The following RBFOX1 variants were observed in gnomAD, a reference collection of about 807,000 sequenced individuals.
RBFOX1 encodes the protein RNA binding fox-1 homolog 1.
A neutral mutation model predicts 57.7 loss-of-function variants in RBFOX1; 8 were observed. The ratio of observed to expected loss-of-function variants is 0.14; its 90% CI spans 0.08 to 0.25. RBFOX1 has a LOEUF of 0.25. Ranked by LOEUF, RBFOX1 falls within the 10% of genes least tolerant of loss-of-function variation. The probability of loss-of-function intolerance (pLI) is 1.00; values close to 1 mark genes in which losing one functional copy is unlikely to be tolerated. For synonymous variants in RBFOX1, 326 were observed against 222.4 expected, an observed-to-expected ratio of 1.47 and a Z score of -4.15; for missense variants, 611 against 548.5, an observed-to-expected ratio of 1.11 and a Z score of -1.14.
chr16:5,624,256 G>A (rs2048282204), intron 3 of RBFOX1, among the ~76,000 whole-genome samples: 1 of 152,202 alleles, frequency 6.6e-6, no homozygotes, highest in South Asian at 2.1e-4. Flanking sequence ...GTGCAGTGGT[G>A]TGATCTAGGC....
chr16:7,644,030 G>C (rs1043188565), intron 11 of RBFOX1, among the ~76,000 whole-genome samples: 11 of 152,326 alleles, frequency 7.2e-5, no homozygotes, highest in Middle Eastern at 3.4e-3. Flanking sequence ...GTAGCAGCTT[G>C]TACAGGCAAT....
chr16:5,499,518 A>G (rs1399029645), intron 2 of RBFOX1, among the ~76,000 whole-genome samples: 1 of 151,064 alleles, frequency 6.6e-6, no homozygotes, highest in African/African-American at 2.4e-5. Flanking sequence ...CCAAATCCAC[A>G]CCATTATAAT....
chr16:6,104,871 A>G (rs2096359702), intron 1 of RBFOX1, among the ~76,000 whole-genome samples: 1 of 152,216 alleles, frequency 6.6e-6, no homozygotes, highest in Admixed American at 6.5e-5. Context: ...CTGTTTATGA[A>G]ATGTCCAGAA....
chr16:5,655,603 G>T (rs984097144), intron 3 of RBFOX1, among the ~76,000 whole-genome samples: 3 of 152,198 alleles, frequency 2.0e-5, no homozygotes, highest in Admixed American at 6.5e-5. Flanking sequence ...GAGCTGTAAT[G>T]GTTGTCCTTG....
At chr16:5,500,589 A>G (rs1355742400) in intron 2 of RBFOX1, among the ~76,000 whole-genome samples, 2 of 152,164 alleles carry the variant, frequency 1.3e-5, no homozygotes, top group African/African-American at 2.4e-5. Context: ...TGTCTCTGCC[A>G]TCAGCTATGT....
rs142315303 is a variant in RBFOX1, at chr16:5,582,947, G to A, written c.259-15955G>A. On this transcript the variant is annotated intron_variant, in intron 2 of 2. Coordinates refer to the RBFOX1 transcript ENST00000585867. ...AAATCAGTGATAATGTTGAGCACTC[G>A]GGAGCCAGGCTCTATTGTGAGACCT... Among the ~76,000 whole-genome samples the A allele has an allele frequency of 4.9e-3, 749 of 152,262 alleles. 4 individuals are homozygous for A. Among genetic ancestry groups the A allele is most frequent in the Admixed American group, 7.3e-3 (111 of 15,290 alleles).
Position 7,487,953 on chromosome 16 carries a change from A to AT in RBFOX1, c.28-30185dup, listed in dbSNP as rs111764481. 3.1e-3 allele frequency among the ~76,000 whole-genome samples: 464 copies of AT among 151,588 alleles called. 3 individuals carry two copies. The highest frequency in any genetic ancestry group is 0.01 in the African/African-American group (416 of 41,304). ...TCAGGGATTCCCACTCTTGGAATGG[A>AT]TTTTTTTTTCCAGGGCCTCTTTTCT... On this transcript the variant is annotated intron_variant, in intron 4 of 15. Coordinates refer to ENST00000550418, the MANE Select transcript of RBFOX1 (RefSeq NM_018723.4).
At chr16:7,059,995 G>A (rs2053748184) in intron 4 of RBFOX1, among the ~76,000 whole-genome samples, 1 of 152,108 alleles carries the variant, frequency 6.6e-6, no homozygotes, top group African/African-American at 2.4e-5. Flanking sequence ...TAAAATATTA[G>A]TGGAAAAAAG....
At position 5,650,326 on chromosome 16, in the gene RBFOX1, C is replaced by CGGTGGT. The variant is rs532668887; in HGVS notation, c.318+51385_318+51390dup. Among the ~76,000 whole-genome samples, 11 of 141,740 alleles carry CGGTGGT rather than the reference C, an allele frequency of 7.8e-5. No homozygotes were observed. In the East Asian group the frequency reaches 1.8e-3, roughly 23 times the overall value. The allele number at this position is 141,740 out of a possible 152,430, so 93.0% of individuals were successfully genotyped here. A position where few individuals can be genotyped will look rare whatever the true frequency, so the allele number is the denominator to read the frequency against. ...TCGTCCTCTTCAGAGGCAGCCACGG[C>CGGTGGT]GGTGGTGGTGGTGGTGGTGGTGGTG... On this transcript the variant is annotated intron_variant, in intron 3 of 19. Transcript: ENST00000641259.
intron 4 of RBFOX1, among the ~76,000 whole-genome samples, chr16:5,970,499 G>A (rs2059940845): frequency 1.3e-5 from 2 of 152,124 alleles, no homozygotes; most frequent in South Asian, 4.1e-4. Context: ...TAGGTTCTAA[G>A]CCAGAATGCA....
chr16:5,664,141 T>C (rs1037453684), intron 3 of RBFOX1, among the ~76,000 whole-genome samples: 1 of 152,250 alleles, frequency 6.6e-6, no homozygotes, highest in Non-Finnish European at 1.5e-5. Flanking sequence ...TTCATCCATG[T>C]GTTGTTTCTT....
At chr16:6,326,697 A>G (rs1348680378) in intron 2 of RBFOX1, among the ~76,000 whole-genome samples, 4 of 151,684 alleles carry the variant, frequency 2.6e-5, no homozygotes. Context: ...AATAACAGAA[A>G]CGTCCGTGGC....
At chr16:6,379,334 G>A (rs1465579151) in intron 2 of RBFOX1, among the ~76,000 whole-genome samples, 1 of 152,138 alleles carries the variant, frequency 6.6e-6, no homozygotes, top group Non-Finnish European at 1.5e-5. Context: ...CCAAAATTAG[G>A]ATGGCCACAC....
intron 1 of RBFOX1, among the ~76,000 whole-genome samples, chr16:6,034,856 C>T (rs903969619): frequency 2.6e-5 from 4 of 151,692 alleles, no homozygotes; most frequent in Admixed American, 2.6e-4. Context: ...GCTGAGAGAC[C>T]TCAGGTGCTT....
At chr16:7,699,254 G>C (rs1392119542) in intron 14 of RBFOX1, among the ~76,000 whole-genome samples, 2 of 128,374 alleles carry the variant, frequency 1.6e-5, no homozygotes, top group Non-Finnish European at 3.4e-5. Flanking sequence ...GCAATAGCCT[G>C]ATCTTAGCTT....
intron 1 of RBFOX1, among the ~76,000 whole-genome samples, chr16:6,159,076 A>T (rs1350454057): frequency 1.3e-5 from 2 of 151,412 alleles, no homozygotes; most frequent in Non-Finnish European, 2.9e-5. Flanking sequence ...CTAATTTTTT[A>T]TTTTTATTTT....
chr16:5,794,509 T>C lies in RBFOX1; in HGVS notation c.319-72794T>C, dbSNP rs193245379. On this transcript the variant is annotated intron_variant, in intron 3 of 19. Transcript: ENST00000641259. ...CCTTATGTGAAACTCAATGCCAGCGTGCGTGTGTGTGTGTGTGTGTGGTGT... is the reference window on the plus strand; with the variant it reads ...CCTTATGTGAAACTCAATGCCAGCGCGCGTGTGTGTGTGTGTGTGTGGTGT... Among the ~76,000 whole-genome samples, 297 of 151,260 alleles carry C rather than the reference T, an allele frequency of 2.0e-3. 4 individuals carry two copies. Among genetic ancestry groups the C allele is most frequent in the African/African-American group, 6.5e-3 (263 of 40,696 alleles).
chr16:7,410,375 C>T (rs1181089973), intron 4 of RBFOX1, among the ~76,000 whole-genome samples: 1 of 152,186 alleles, frequency 6.6e-6, no homozygotes, highest in Non-Finnish European at 1.5e-5. Flanking sequence ...GGGATTAAAA[C>T]CCAGGACCTT....
At chr16:7,290,871 T>G (rs1407169590) in intron 4 of RBFOX1, among the ~76,000 whole-genome samples, 1 of 152,204 alleles carries the variant, frequency 6.6e-6, no homozygotes, top group Admixed American at 6.5e-5. Context: ...TAATGTAGTA[T>G]TATCGGTATG....
Sources: gnomAD v4.1 joint callset for allele counts (sites outside exome capture counted in the v4.1 genomes callset) on GRCh38, gnomAD v4.1.1 for gene constraint, MANE v1.5 for transcripts, NCBI Gene and HGNC (gene_info 2026-07-23, HGNC 2026-07-21) for gene names.